NCOA6: variants seen among roughly 807,000 people sequenced by gnomAD.
NCOA6 encodes the protein nuclear receptor coactivator 6, also known as NRC RAP250.
A neutral mutation model predicts 171.4 loss-of-function variants in NCOA6; 49 were observed. The observed-to-expected ratio is 0.29, with a 90% CI of 0.23 to 0.36. The LOEUF (loss-of-function observed/expected upper bound fraction) is 0.36, where lower values mean the gene tolerates loss of function less well. NCOA6 is among the 10% of genes least tolerant of loss of function. The probability of loss-of-function intolerance (pLI) is 1.00; values close to 1 mark genes in which losing one functional copy is unlikely to be tolerated. For synonymous variants in NCOA6, 910 were observed against 927.5 expected (o/e 0.98, Z 0.34); for missense variants, 2,248 against 2,554.5 (o/e 0.88, Z 2.59).
intron 1 of NCOA6, among the ~76,000 whole-genome samples, chr20:34,803,233 C>T (rs1445081282): frequency 1.3e-5 from 2 of 152,018 alleles, no homozygotes; most frequent in Non-Finnish European, 2.9e-5. Context: ...TTTGGAATGC[C>T]AAGGCGACTG....
intron 1 of NCOA6, among the ~76,000 whole-genome samples, chr20:34,804,298 CT>C (rs1272555128): frequency 6.6e-6 from 1 of 151,960 alleles, no homozygotes; most frequent in Non-Finnish European, 1.5e-5. Context: ...GATCACGCCA[CT>C]GCACTCCAGC....
intron 1 of NCOA6, among the ~76,000 whole-genome samples, chr20:34,793,808 G>C (rs978751382): frequency 3.3e-5 from 5 of 152,056 alleles, no homozygotes; most frequent in Non-Finnish European, 7.4e-5. Flanking sequence ...AAAAAAATAT[G>C]CATAGGTATG....
intron 13 of NCOA6, among the ~76,000 whole-genome samples, chr20:34,729,609 T>C (rs558659585): frequency 1.3e-5 from 2 of 152,306 alleles, no homozygotes; most frequent in South Asian, 4.1e-4. Context: ...TGGGAAGTCT[T>C]CCATGATCTC....
At chr20:34,761,013 G>C (rs1331275081) in intron 5 of NCOA6, among the ~76,000 whole-genome samples, 2 of 151,910 alleles carry the variant, frequency 1.3e-5, no homozygotes, top group African/African-American at 4.8e-5. Flanking sequence ...TTGAGATCAG[G>C]GGTTCGAGAT....
In NCOA6 at chr20:34,750,303, G is replaced by C; in HGVS notation, c.1892C>G (p.Ser631Cys). The change falls in exon 9 of 15, where the codon TCC becomes TGC. Residue 631 changes from serine (S) to cysteine (C), a missense_variant. Coordinates refer to ENST00000359003, the MANE Select transcript of NCOA6 (RefSeq NM_014071.5). ...TTGTTGCTGGACCATCTGGCCCTGG[G>C]AGGGCACGATTTGCTGGTGCATGCC... is the stretch of plus-strand genomic sequence containing the variant. ...LMGMHQQIVPSQGQMVQQQGT... is the reference protein window; with the variant it reads ...LMGMHQQIVPCQGQMVQQQGT... 1.2e-6 allele frequency: 2 copies of C among 1,613,408 alleles called. No homozygotes were observed. Among genetic ancestry groups the C allele is most frequent in the South Asian group, 2.2e-5 (2 of 91,038 alleles).
At chr20:34,733,901 T>C (rs1442479738) in intron 12 of NCOA6, among the ~76,000 whole-genome samples, 1 of 150,132 alleles carries the variant, frequency 6.7e-6, no homozygotes, top group African/African-American at 2.5e-5. Context: ...TTGCTTCTCA[T>C]TGCTGTTTAG....
At position 34,732,609 on chromosome 20, in the gene NCOA6, TAAAGG is replaced by T; in HGVS notation, c.5963-19_5963-15del. The T allele has an allele frequency of 6.2e-7, 1 of 1,611,582 alleles. No individual in the cohort carries two copies. The highest frequency in any genetic ancestry group is 1.1e-5 in the South Asian group (1 of 90,960). Reference sequence around the variant, plus strand: ...TTACCTCCAGCTCTGCAAAAAAATATAAAGGATAGAAATGAAATGTGGGAGCTGCC... The same window carrying T: ...TTACCTCCAGCTCTGCAAAAAAATATATAGAAATGAAATGTGGGAGCTGCC... On this transcript the variant is annotated splice_polypyrimidine_tract_variant and intron_variant, in intron 12 of 14. Transcript: ENST00000359003.
At chr20:34,715,433 A>G in intron 14 of NCOA6, 68 bp from the exon 15 acceptor site, 2 of 1,215,756 alleles carry the variant, frequency 1.6e-6, no homozygotes. Flanking sequence ...TAGACAGTCC[A>G]CAACAAGCAG....
chr20:34,783,044 G>A (rs1186402940), intron 2 of NCOA6, among the ~76,000 whole-genome samples: 1 of 152,178 alleles, frequency 6.6e-6, no homozygotes, highest in African/African-American at 2.4e-5. Flanking sequence ...CACTTTGGGA[G>A]GTCAAGGTGG....
At chr20:34,814,116 G>C (rs1267424992) in intron 1 of NCOA6, among the ~76,000 whole-genome samples, 2 of 152,124 alleles carry the variant, frequency 1.3e-5, no homozygotes, top group African/African-American at 2.4e-5. Context: ...AGATCACGAG[G>C]TCAGGAGTTC....
intron 1 of NCOA6, among the ~76,000 whole-genome samples, chr20:34,795,624 A>G (rs1220248788): frequency 6.6e-6 from 1 of 152,230 alleles, no homozygotes; most frequent in Non-Finnish European, 1.5e-5. Flanking sequence ...GGAAGGATAG[A>G]GTTCTAGATT....
chr20:34,738,713 T>C (rs973573043), intron 11 of NCOA6, among the ~76,000 whole-genome samples: 3 of 152,228 alleles, frequency 2.0e-5, no homozygotes, highest in Non-Finnish European at 2.9e-5. Flanking sequence ...AATCTTCTCA[T>C]TGAGTCCTCT....
intron 1 of NCOA6, among the ~76,000 whole-genome samples, chr20:34,795,425 T>C (rs1034401865): frequency 6.6e-6 from 1 of 152,204 alleles, no homozygotes; most frequent in Non-Finnish European, 1.5e-5. Context: ...TGATGTATTA[T>C]TACCAAAAGT....
chr20:34,749,254 GGCAA>G, intron 9 of NCOA6, 145 bp downstream of exon 9: 1 of 1,017,044 alleles, frequency 9.8e-7, no homozygotes, highest in Non-Finnish European at 1.4e-6. Flanking sequence ...TACAGATGAA[GGCAA>G]GACAGACTAT....
intron 1 of NCOA6, among the ~76,000 whole-genome samples, chr20:34,804,506 CAA>C (rs11482821): frequency 1.2e-4 from 14 of 113,796 alleles, no homozygotes; most frequent in Admixed American, 4.0e-4. Flanking sequence ...GACCCTGTCT[CAA>C]AAAAAAAAAA....
intron 11 of NCOA6, among the ~76,000 whole-genome samples, chr20:34,739,209 A>T (rs762475498): frequency 1.3e-5 from 2 of 152,370 alleles, no homozygotes; most frequent in South Asian, 4.1e-4. Context: ...AGATTACATC[A>T]AAAAGAAACT....
chr20:34,787,860 A>G, intron 2 of NCOA6, among the ~76,000 whole-genome samples: 1 of 151,536 alleles, frequency 6.6e-6, no homozygotes, highest in South Asian at 2.1e-4. Context: ...AATTATATTT[A>G]TACCTAATTT....
At chr20:34,739,293 T>C (rs900450902) in intron 11 of NCOA6, among the ~76,000 whole-genome samples, 1 of 152,242 alleles carries the variant, frequency 6.6e-6, no homozygotes, top group Non-Finnish European at 1.5e-5. Context: ...TTATATGTAC[T>C]ACCTTATTGA....
chr20:34,801,458 C>CA (rs536954898), intron 1 of NCOA6, among the ~76,000 whole-genome samples: 65 of 151,622 alleles, frequency 4.3e-4, no homozygotes, highest in South Asian at 2.9e-3. Flanking sequence ...ACCAGACTAA[C>CA]AAAAAAAGAG....
Sources: allele counts gnomAD v4.1 joint callset (sites outside exome capture counted in the v4.1 genomes callset), GRCh38; gene constraint gnomAD v4.1.1; transcripts MANE v1.5; gene names NCBI Gene and HGNC (gene_info 2026-07-23, HGNC 2026-07-21).